Variants in BACH2 observed in about 807,000 individuals in gnomAD.
BACH2 encodes the protein BACH transcriptional regulator 2, also known as transcription regulator protein BACH2.
A neutral mutation model predicts 61.8 loss-of-function variants in BACH2; 5 were observed. The observed-to-expected ratio is 0.08, with a 90% CI of 0.04 to 0.17. The LOEUF (loss-of-function observed/expected upper bound fraction) is 0.17. Ranked by LOEUF, BACH2 falls within the 10% of genes least tolerant of loss-of-function variation. The pLI, the probability that BACH2 is intolerant of heterozygous loss-of-function variation, is 1.00. For synonymous variants in BACH2, 446 were observed against 440.1 expected, an observed-to-expected ratio of 1.01 and a Z score of -0.17; for missense variants, 824 against 1,091.1, an observed-to-expected ratio of 0.76 and a Z score of 3.45.
Position 90,123,556 on chromosome 6 carries a change from G to T in BACH2, c.-161-34447C>A, listed in dbSNP as rs527878013. Among the ~76,000 whole-genome samples the T allele has an allele frequency of 2.6e-5, 4 of 151,780 alleles. No homozygotes were observed. The East Asian group carries it at 7.8e-4, about 30-fold the overall frequency. ...GAGGCCGAGGCGGGCGGATCACGAG[G>T]TCAGGAGATCGAGACCATCCCAGCT... On this transcript the variant is annotated intron_variant, in intron 4 of 8. Transcript: ENST00000257749.
At chr6:90,209,515 T>G (rs1374265489) in intron 3 of BACH2, among the ~76,000 whole-genome samples, 1 of 152,258 alleles carries the variant, frequency 6.6e-6, no homozygotes, top group South Asian at 2.1e-4. Context: ...TATCCATCCA[T>G]GTAAAAACTA....
intron 5 of BACH2, among the ~76,000 whole-genome samples, chr6:90,085,399 C>G (rs1463091723): frequency 6.6e-6 from 1 of 152,154 alleles, no homozygotes; most frequent in African/African-American, 2.4e-5. Context: ...CTCTGGGACT[C>G]TCTCTGTGCT....
At chr6:89,957,244 CAG>C (rs915943513) in intron 6 of BACH2, among the ~76,000 whole-genome samples, 2 of 152,210 alleles carry the variant, frequency 1.3e-5, no homozygotes, top group African/African-American at 2.4e-5. Context: ...ACTTAGTGAT[CAG>C]GCATCACTCC....
intron 6 of BACH2, among the ~76,000 whole-genome samples, chr6:89,993,397 A>T (rs181837044): frequency 6.6e-6 from 1 of 152,330 alleles, no homozygotes; most frequent in East Asian, 1.9e-4. Context: ...ATGTATCCTC[A>T]GTCTGATAAA....
At position 90,206,987 on chromosome 6, in the gene BACH2, A is replaced by G. The variant is rs117818242; in HGVS notation, c.-274-306T>C. Among the ~76,000 whole-genome samples the G allele has an allele frequency of 3.6e-3, 544 of 152,150 alleles. 7 individuals are homozygous for G. The highest frequency in any genetic ancestry group is 3.4e-3 in the Middle Eastern group (1 of 294). On this transcript the variant is annotated intron_variant, in intron 3 of 8. Transcript: ENST00000257749. ...CTAAACAGTCCAATTCCCCCCAAAC[A>G]GTCCAATTCCCCCCACCATGTTTTC...
At chr6:90,007,036 CA>C in intron 6 of BACH2, among the ~76,000 whole-genome samples, 1 of 152,030 alleles carries the variant, frequency 6.6e-6, no homozygotes, top group Non-Finnish European at 1.5e-5. Flanking sequence ...GTTTGTCTAT[CA>C]AATAGACAAA....
intron 4 of BACH2, among the ~76,000 whole-genome samples, chr6:90,129,986 C>T (rs1198900811): frequency 6.6e-6 from 1 of 152,178 alleles, no homozygotes; most frequent in South Asian, 2.1e-4. Context: ...TCCCCTGCCT[C>T]AGCCTCCCGA....
intron 5 of BACH2, among the ~76,000 whole-genome samples, chr6:90,060,661 C>T (rs911142171): frequency 6.6e-6 from 1 of 151,740 alleles, no homozygotes; most frequent in Non-Finnish European, 1.5e-5. Flanking sequence ...GCTAGTTTTG[C>T]TGATTTTCAC....
chr6:90,046,382 A>G (rs1045039433), intron 5 of BACH2, among the ~76,000 whole-genome samples: 3 of 152,126 alleles, frequency 2.0e-5, no homozygotes, highest in Non-Finnish European at 4.4e-5. Context: ...GACAGATGAG[A>G]CTCTTCCCAG....
At chr6:90,292,421 C>T (rs1372663541) in intron 1 of BACH2, among the ~76,000 whole-genome samples, 1 of 152,186 alleles carries the variant, frequency 6.6e-6, no homozygotes, top group South Asian at 2.1e-4. Context: ...AGCCAAGTTA[C>T]CCCATCTGGT....
At chr6:89,953,224 T>TG (rs964475441) in intron 6 of BACH2, 2 of 152,224 alleles carry the variant, frequency 1.3e-5, no homozygotes, top group African/African-American at 4.8e-5. Flanking sequence ...TTCACTCCTT[T>TG]GGGAGTGCTC....
At chr6:90,177,795 G>A (rs1222803425) in intron 4 of BACH2, among the ~76,000 whole-genome samples, 1 of 152,096 alleles carries the variant, frequency 6.6e-6, no homozygotes, top group Non-Finnish European at 1.5e-5. Flanking sequence ...ATCCTTAACA[G>A]ATCCCATGTC....
chr6:89,976,125 G>T (rs1217917542), intron 6 of BACH2, among the ~76,000 whole-genome samples: 1 of 152,174 alleles, frequency 6.6e-6, no homozygotes, highest in East Asian at 1.9e-4. Flanking sequence ...AAGCAAGATC[G>T]CCCGCTGTTC....
At chr6:90,154,964 G>A (rs1784946262) in intron 4 of BACH2, among the ~76,000 whole-genome samples, 1 of 152,184 alleles carries the variant, frequency 6.6e-6, no homozygotes, top group Admixed American at 6.5e-5. Context: ...CTTGAAGCAG[G>A]CTCAACCATA....
intron 4 of BACH2, among the ~76,000 whole-genome samples, chr6:90,168,415 AC>A (rs1156745167): frequency 6.6e-6 from 1 of 152,340 alleles, no homozygotes; most frequent in East Asian, 1.9e-4. Flanking sequence ...ACAATGGAAA[AC>A]TATTCTGCCA....
chr6:89,967,678 G>A (rs905947844), intron 6 of BACH2, among the ~76,000 whole-genome samples: 7 of 152,184 alleles, frequency 4.6e-5, no homozygotes, highest in Admixed American at 2.6e-4. Context: ...TAACAAGCGT[G>A]GGAGGCCAGG....
intron 5 of BACH2, among the ~76,000 whole-genome samples, chr6:90,011,583 T>C (rs1264068321): frequency 1.3e-5 from 2 of 152,214 alleles, no homozygotes; most frequent in Non-Finnish European, 2.9e-5. Flanking sequence ...TGCAGTGGCA[T>C]GGCCATAGCT....
chr6:90,071,722 T>C (rs976016081), intron 5 of BACH2, among the ~76,000 whole-genome samples: 2 of 152,248 alleles, frequency 1.3e-5, no homozygotes, highest in African/African-American at 4.8e-5. Context: ...ATATCACTTC[T>C]GACTCTTCCA....
chr6:90,134,506 G>C (rs1424753906), intron 4 of BACH2, among the ~76,000 whole-genome samples: 2 of 152,190 alleles, frequency 1.3e-5, no homozygotes, highest in East Asian at 3.9e-4. Context: ...GGAGTAGCCT[G>C]GAGCACCTGG....
Sources: gnomAD v4.1 joint callset for allele counts (sites outside exome capture counted in the v4.1 genomes callset) on GRCh38, gnomAD v4.1.1 for gene constraint, MANE v1.5 for transcripts, NCBI Gene and HGNC (gene_info 2026-07-23, HGNC 2026-07-21) for gene names.